Variants in DOCK2 observed in about 807,000 individuals in gnomAD.
The protein encoded by DOCK2 is dedicator of cytokinesis protein 2.
Under a neutral mutation model 248.9 loss-of-function variants are expected in DOCK2, and 87 were observed. The ratio of observed to expected loss-of-function variants is 0.35; its 90% CI spans 0.29 to 0.42. The LOEUF (loss-of-function observed/expected upper bound fraction) is 0.42. Among genes scored for constraint, DOCK2 ranks in the 10% least tolerant of loss-of-function variants. The pLI, the probability that DOCK2 is intolerant of heterozygous loss-of-function variation, is 1.00. For missense variants in DOCK2, 1,747 were observed against 2,300.2 expected (o/e 0.76, Z 4.92); for synonymous variants, 805 against 821.6 (o/e 0.98, Z 0.35).
chr5:169,980,115 T>A (rs555944970), intron 27 of DOCK2, among the ~76,000 whole-genome samples: 1 of 152,182 alleles, frequency 6.6e-6, no homozygotes, highest in South Asian at 2.1e-4. Flanking sequence ...CTGACAATGG[T>A]GGATTTTCCA....
intron 8 of DOCK2, among the ~76,000 whole-genome samples, chr5:169,687,515 A>AATCC (rs10529952): frequency 0.12 from 17,630 of 152,160 alleles, 1,389 homozygotes; most frequent in African/African-American, 0.23. Flanking sequence ...AATTTTGCTG[A>AATCC]ATCCCGTTAT....
chr5:169,669,289 C>G lies in DOCK2; in HGVS notation c.129C>G (p.Asp43Glu), dbSNP rs1345736391. ...TGTTTCTTTGTTTTCTTTTTGCAGACTGGTATAGGGGATACCTCATAAAGC... is the reference window on the plus strand; with the variant it reads ...TGTTTCTTTGTTTTCTTTTTGCAGAGTGGTATAGGGGATACCTCATAAAGC... The part of the protein sequence containing the change: ...DVVRIQETCG[D>E]WYRGYLIKHK... Residue 43 changes from aspartate to glutamate, a missense_variant and splice_region_variant, in exon 3 of 52, where the codon GAC (aspartate) becomes GAG (glutamate). This residue lies in a region of DOCK2 where 375 missense variants were observed against 510.9 expected (regional missense o/e 0.73). Coordinates refer to ENST00000520908, the MANE Select transcript of DOCK2 (RefSeq NM_004946.3). The G allele has an allele frequency of 6.2e-7, 1 of 1,613,330 alleles. No individual in the cohort carries two copies.
At chr5:169,920,847 C>T (rs1256079706) in intron 27 of DOCK2, among the ~76,000 whole-genome samples, 1 of 126,784 alleles carries the variant, frequency 7.9e-6, no homozygotes, top group Non-Finnish European at 1.6e-5. Flanking sequence ...TTCTGACCTC[C>T]ACCCTAGGAC....
At chr5:169,852,644 T>C (rs975106600) in intron 27 of DOCK2, among the ~76,000 whole-genome samples, 2 of 152,206 alleles carry the variant, frequency 1.3e-5, no homozygotes, top group African/African-American at 2.4e-5. Flanking sequence ...GAAGCTCACT[T>C]CACAAGGCTT....
chr5:170,066,756 T>C (rs1429101627), intron 44 of DOCK2, among the ~76,000 whole-genome samples: 1 of 152,244 alleles, frequency 6.6e-6, no homozygotes, highest in Non-Finnish European at 1.5e-5. Context: ...CACCTATTTC[T>C]GCAGTTTTAT....
At chr5:169,688,375 C>T (rs575144346) in intron 8 of DOCK2, among the ~76,000 whole-genome samples, 1 of 152,312 alleles carries the variant, frequency 6.6e-6, no homozygotes, top group Admixed American at 6.5e-5. Flanking sequence ...CTTCCTTGAC[C>T]ACCCACTAGG....
chr5:169,930,250 A>G (rs1453127066), intron 27 of DOCK2, among the ~76,000 whole-genome samples: 2 of 152,170 alleles, frequency 1.3e-5, no homozygotes, highest in African/African-American at 4.8e-5. Flanking sequence ...TCGGCCTCCC[A>G]AAGTGCTGGG....
chr5:169,860,430 T>C (rs1771131614), intron 27 of DOCK2, among the ~76,000 whole-genome samples: 1 of 152,172 alleles, frequency 6.6e-6, no homozygotes, highest in Non-Finnish European at 1.5e-5. Context: ...TGGCTGTCAC[T>C]CAGTTCATTG....
chr5:169,649,669 C>T (rs1230209246), intron 1 of DOCK2, among the ~76,000 whole-genome samples: 1 of 152,348 alleles, frequency 6.6e-6, no homozygotes, highest in East Asian at 1.9e-4. Flanking sequence ...AATCCGCTTT[C>T]TGCCACTTTC....
chr5:169,827,907 C>T (rs956427188), intron 26 of DOCK2, among the ~76,000 whole-genome samples: 3 of 151,578 alleles, frequency 2.0e-5, no homozygotes, highest in Non-Finnish European at 1.5e-5. Flanking sequence ...ACATTAAAAC[C>T]GAGGCACACA....
intron 30 of DOCK2, among the ~76,000 whole-genome samples, chr5:170,007,658 C>A (rs987782244): frequency 1.9e-4 from 29 of 152,222 alleles, no homozygotes; most frequent in African/African-American, 6.7e-4. Context: ...ATCAGTGTGG[C>A]TAATCTTTTG....
rs926111135 is a variant in DOCK2 at position 169,883,744 on chromosome 5, G to C, written c.2799+42892G>C. ...TTCTGGAGTTTGGACGTCAACCTCAGCTAGGCCAGTTGGATTCTTAGTGGT... is the reference window on the plus strand; with the variant it reads ...TTCTGGAGTTTGGACGTCAACCTCACCTAGGCCAGTTGGATTCTTAGTGGT... On this transcript the variant is annotated intron_variant, in intron 27 of 51. Coordinates refer to ENST00000520908, the MANE Select transcript of DOCK2 (RefSeq NM_004946.3). The C allele has an allele frequency of 4.8e-5, 74 of 1,551,518 alleles. No homozygotes were observed. Among genetic ancestry groups the C allele is most frequent in the Admixed American group, 1.8e-4 (9 of 50,980 alleles).
chr5:169,976,479 G>A (rs1044250481), intron 27 of DOCK2, among the ~76,000 whole-genome samples: 3 of 152,030 alleles, frequency 2.0e-5, no homozygotes, highest in Non-Finnish European at 4.4e-5. Context: ...GATGAATGTA[G>A]GGCCCTGGGC....
chr5:170,027,589 C>G (rs754645783), intron 33 of DOCK2, among the ~76,000 whole-genome samples: 1 of 152,124 alleles, frequency 6.6e-6, no homozygotes, highest in Non-Finnish European at 1.5e-5. Flanking sequence ...TCTTCCCTGA[C>G]TCTCCTCCCT....
At chr5:170,031,786 C>T (rs1179131852) in intron 34 of DOCK2, among the ~76,000 whole-genome samples, 2 of 152,170 alleles carry the variant, frequency 1.3e-5, no homozygotes, top group African/African-American at 2.4e-5. Context: ...GTTTGAGCAC[C>T]TTTCTTGCTC....
chr5:169,948,429 C>T (rs1489924968), intron 27 of DOCK2, among the ~76,000 whole-genome samples: 2 of 152,024 alleles, frequency 1.3e-5, no homozygotes, highest in East Asian at 3.9e-4. Flanking sequence ...TCCATCCCTC[C>T]CTTTCTCTGT....
chr5:170,075,649 A>G (rs1487346211), intron 46 of DOCK2: 1 of 298,196 alleles, frequency 3.4e-6, no homozygotes, highest in Non-Finnish European at 6.3e-6. Context: ...CCCCAAGTAG[A>G]TTCTTTAAGG....
chr5:169,695,271 G>A (rs1760545611), intron 9 of DOCK2: 1 of 154,006 alleles, frequency 6.5e-6, no homozygotes, highest in Non-Finnish European at 1.4e-5. Context: ...TGCACCAGAA[G>A]TAAACTTCTG....
At chr5:169,694,361 G>A (rs1760479661) in intron 9 of DOCK2, among the ~76,000 whole-genome samples, 1 of 152,216 alleles carries the variant, frequency 6.6e-6, no homozygotes, top group African/African-American at 2.4e-5. Context: ...ACTGGCAGGG[G>A]GCCTCAAGAT....
Sources: allele counts gnomAD v4.1 joint callset (sites outside exome capture counted in the v4.1 genomes callset), GRCh38; gene constraint gnomAD v4.1.1; regional missense constraint gnomAD v4.1.1; transcripts MANE v1.5; gene names NCBI Gene and HGNC (gene_info 2026-07-23, HGNC 2026-07-21).